The following CA10 variants were observed in gnomAD, a reference collection of about 807,000 sequenced individuals.
The protein encoded by CA10 is carbonic anhydrase 10 (inactive), also known as carbonic anhydrase-related protein 10.
A neutral mutation model predicts 44.2 loss-of-function variants in CA10; 14 were observed. The observed-to-expected ratio is 0.32, with a 90% CI of 0.21 to 0.50. The LOEUF is 0.50. Among genes scored for constraint, CA10 ranks in the 20% least tolerant of loss-of-function variants. The probability of loss-of-function intolerance (pLI) is 0.99; values close to 1 mark genes in which losing one functional copy is unlikely to be tolerated. For missense variants in CA10, 350 were observed against 409.7 expected, an observed-to-expected ratio of 0.85 and a Z score of 1.26; for synonymous variants, 159 against 141.6, an observed-to-expected ratio of 1.12 and a Z score of -0.87.
chr17:51,653,806 C>A, intron 4 of CA10, 70 bp from the exon 5 acceptor site: 2 of 877,186 alleles, frequency 2.3e-6, no homozygotes, highest in East Asian at 2.5e-5. Flanking sequence ...TAGCACCTGC[C>A]CCTACATAAG....
At chr17:51,990,390 T>C (rs1035313319) in intron 2 of CA10, among the ~76,000 whole-genome samples, 1 of 151,752 alleles carries the variant, frequency 6.6e-6, no homozygotes, top group Non-Finnish European at 1.5e-5. Context: ...TGAAATTCTA[T>C]AATATCCAAA....
chr17:52,119,811 C>T (rs1268904991), intron 1 of CA10, among the ~76,000 whole-genome samples: 3 of 152,186 alleles, frequency 2.0e-5, no homozygotes, highest in African/African-American at 7.2e-5. Context: ...TGTTCCAAAA[C>T]TTAGACATTT....
In CA10 at chr17:51,641,126, C is replaced by T. The variant is rs968883494; in HGVS notation, c.635-5117G>A. Among the ~76,000 whole-genome samples the T allele has an allele frequency of 5.7e-5, 7 of 123,018 alleles. No individual in the cohort carries two copies. In the East Asian group the frequency reaches 7.7e-4, roughly 14 times the overall value. 80.7% of individuals were successfully genotyped at this position (123,018 alleles called of 152,430 possible). On this transcript the variant is annotated intron_variant, in intron 6 of 8. Transcript: ENST00000451037. The stretch of plus-strand genomic sequence containing the variant: ...TGCAGAGAGGTTTCTCTACCTATCC[C>T]CTCTTTCTCTCTCTCTCTCTCTCAG...
intron 2 of CA10, among the ~76,000 whole-genome samples, chr17:51,976,251 G>C (rs1341440373): frequency 3.9e-5 from 6 of 152,120 alleles, no homozygotes; most frequent in African/African-American, 1.4e-4. Flanking sequence ...TGGAAGAAAT[G>C]AACAAAAGTC....
chr17:52,110,858 C>G (rs1305774098), intron 1 of CA10, among the ~76,000 whole-genome samples: 2 of 152,218 alleles, frequency 1.3e-5, no homozygotes, highest in East Asian at 3.9e-4. Flanking sequence ...GACAGTTCCA[C>G]GAAGAATAGG....
rs1445340819 is a variant in CA10, at chr17:52,156,150, G to T, written c.61+1576C>A. Among the ~76,000 whole-genome samples, 5 of 152,190 alleles carry T rather than the reference G, an allele frequency of 3.3e-5. No homozygotes were observed. In the South Asian group the frequency reaches 1.0e-3, roughly 32 times the overall value. Reference sequence around the variant, plus strand: ...ATTAATGACACTGGGGAGAAGTAAGGAAAGGCTATTTTATAACTAGTCAAA... The same window carrying T: ...ATTAATGACACTGGGGAGAAGTAAGTAAAGGCTATTTTATAACTAGTCAAA... On this transcript the variant is annotated intron_variant, in intron 1 of 8. Transcript: ENST00000451037.
At chr17:52,059,658 A>G (rs1987326567) in intron 2 of CA10, among the ~76,000 whole-genome samples, 1 of 143,036 alleles carries the variant, frequency 7.0e-6, no homozygotes, top group Non-Finnish European at 1.5e-5. Flanking sequence ...GTACCCTAGA[A>G]CTTAAAGTAT....
rs1489943644 is a variant in CA10 at position 51,635,182 on chromosome 17, A to G, written c.789+673T>C. Among the ~76,000 whole-genome samples the G allele has an allele frequency of 3.3e-5, 5 of 152,296 alleles. No homozygotes were observed. The East Asian group carries it at 9.7e-4, about 29-fold the overall frequency. ...GCCTTTATAAAAAGGGGAAATTTGG[A>G]CACAGAGCCTCAGACACAGGGAGAA... On this transcript the variant is annotated intron_variant, in intron 7 of 8. Coordinates refer to ENST00000451037, the MANE Select transcript of CA10 (RefSeq NM_020178.5).
chr17:51,966,922 C>A (rs1287849148), intron 2 of CA10, among the ~76,000 whole-genome samples: 1 of 151,814 alleles, frequency 6.6e-6, no homozygotes, highest in African/African-American at 2.4e-5. Flanking sequence ...ACAGACCACA[C>A]CTACAGAATG....
rs1158264979 is a variant in CA10 at position 51,998,591 on chromosome 17, G to A, written c.137-67459C>T. Among the ~76,000 whole-genome samples, 3 of 151,842 alleles carry A rather than the reference G, an allele frequency of 2.0e-5. No individual in the cohort carries two copies. In the East Asian group the frequency reaches 5.8e-4, roughly 30 times the overall value. On this transcript the variant is annotated intron_variant, in intron 2 of 8. Transcript: ENST00000451037. ...AACTCTGGCAGTACCCCTTTTCACTGTGGGCTCCCCTGGCCCACTTTCTGC... is the reference window on the plus strand; with the variant it reads ...AACTCTGGCAGTACCCCTTTTCACTATGGGCTCCCCTGGCCCACTTTCTGC...
At chr17:51,754,246 T>C (rs1439701753) in intron 3 of CA10, among the ~76,000 whole-genome samples, 1 of 151,184 alleles carries the variant, frequency 6.6e-6, no homozygotes, top group Non-Finnish European at 1.5e-5. Context: ...TGTTTAGGAT[T>C]ACTTACTGTT....
intron 3 of CA10, among the ~76,000 whole-genome samples, chr17:51,825,625 C>T (rs971478425): frequency 6.6e-6 from 1 of 152,192 alleles, no homozygotes; most frequent in Non-Finnish European, 1.5e-5. Context: ...ACAACATGTA[C>T]ATCAACTGGA....
At chr17:51,801,737 T>C (rs1398384723) in intron 3 of CA10, among the ~76,000 whole-genome samples, 1 of 152,086 alleles carries the variant, frequency 6.6e-6, no homozygotes, top group Non-Finnish European at 1.5e-5. Context: ...AAAATTATAG[T>C]GCAGTAAGAA....
At chr17:51,749,170 A>G (rs1378399571) in intron 3 of CA10, among the ~76,000 whole-genome samples, 1 of 152,240 alleles carries the variant, frequency 6.6e-6, no homozygotes, top group African/African-American at 2.4e-5. Context: ...TGCAGTTTAC[A>G]AAAATGACAG....
intron 3 of CA10, among the ~76,000 whole-genome samples, chr17:51,872,348 TTGTC>T (rs1219238077): frequency 1.2e-4 from 19 of 152,194 alleles, no homozygotes; most frequent in African/African-American, 4.6e-4. Flanking sequence ...CACTAAAAGT[TTGTC>T]TCTCCTTCGT....
At position 51,945,406 on chromosome 17, in the gene CA10, A is replaced by G. The variant is rs146868516; in HGVS notation, c.137-14274T>C. Among the ~76,000 whole-genome samples, 10 of 152,202 alleles carry G rather than the reference A, an allele frequency of 6.6e-5. No individual in the cohort carries two copies. The East Asian group carries it at 1.6e-3, about 24-fold the overall frequency. On this transcript the variant is annotated intron_variant, in intron 2 of 8. Transcript: ENST00000451037. ...CTGTCTCATTGAAGAAAAACCGAAAACGATGGCACACATTCGATTTTGTCA... is the reference window on the plus strand; with the variant it reads ...CTGTCTCATTGAAGAAAAACCGAAAGCGATGGCACACATTCGATTTTGTCA...
At chr17:51,864,153 T>C (rs947276135) in intron 3 of CA10, among the ~76,000 whole-genome samples, 3 of 152,176 alleles carry the variant, frequency 2.0e-5, no homozygotes, top group Admixed American at 2.0e-4. Context: ...AGGTGTATGT[T>C]CCAAGGGGTC....
intron 3 of CA10, among the ~76,000 whole-genome samples, chr17:51,759,387 T>TGC (rs1192900631): frequency 6.7e-6 from 1 of 149,638 alleles, no homozygotes; most frequent in African/African-American, 2.4e-5. Flanking sequence ...TGTGTGTGTG[T>TGC]GTGCTTAAAA....
chr17:51,715,666 G>A (rs1311851162), intron 4 of CA10, among the ~76,000 whole-genome samples: 1 of 152,002 alleles, frequency 6.6e-6, no homozygotes, highest in Non-Finnish European at 1.5e-5. Context: ...TCATCCTATT[G>A]TGTGATCAGA....
Sources: allele counts gnomAD v4.1 joint callset (sites outside exome capture counted in the v4.1 genomes callset), GRCh38; gene constraint gnomAD v4.1.1; transcripts MANE v1.5; gene names NCBI Gene and HGNC (gene_info 2026-07-23, HGNC 2026-07-21).